The following IMMP2L variants were observed in gnomAD, a reference collection of about 807,000 sequenced individuals.
IMMP2L encodes inner mitochondrial membrane peptidase subunit 2.
Under a neutral mutation model 19.3 loss-of-function variants are expected in IMMP2L, and 18 were observed. That is an observed-to-expected ratio of 0.93 (90% CI 0.64 to 1.38). The LOEUF is 1.38. Ranked by LOEUF, IMMP2L falls within the 40% of genes most tolerant of loss-of-function variation. The pLI is 0.00. For missense variants in IMMP2L, 233 were observed against 218.2 expected, an observed-to-expected ratio of 1.07 and a Z score of -0.43; for synonymous variants, 76 against 73.0, an observed-to-expected ratio of 1.04 and a Z score of -0.21.
intron 1 of IMMP2L, among the ~76,000 whole-genome samples, chr7:111,539,132 A>AAAGAAAAGGAAGGAAGGAAGGAAGGAAGG (rs1554542570): frequency 1.6e-5 from 1 of 61,584 alleles, no homozygotes; most frequent in African/African-American, 6.5e-5. Flanking sequence ...AAAGAAAAGA[A>AAAGAAAAGGAAGGAAGGAAGGAAGGAAGG]AAGGAAGGAA....
At position 110,757,373 on chromosome 7, in the gene IMMP2L, A is replaced by G. The variant is rs1798094796; in HGVS notation, c.409-93652T>C. ...CATTTTGCACTGTACCCCTCAAATG[A>G]TGCAGTTGACTCTGGTTGTAATTTT... On this transcript the variant is annotated intron_variant, in intron 5 of 5. Coordinates refer to ENST00000405709, the MANE Select transcript of IMMP2L (RefSeq NM_032549.4). The surrounding 1 kb of genome is among the most constrained non-coding windows in gnomAD (Gnocchi z 4.2). Among the ~76,000 whole-genome samples, 1 of 152,092 alleles carries G rather than the reference A, an allele frequency of 6.6e-6. No homozygotes were observed. The highest frequency in any genetic ancestry group is 1.5e-5 in the Non-Finnish European group (1 of 68,000).
intron 3 of IMMP2L, among the ~76,000 whole-genome samples, chr7:111,448,207 C>T (rs1281318583): frequency 2.4e-5 from 3 of 125,070 alleles, no homozygotes; most frequent in East Asian, 2.1e-4. Context: ...ACCAAGCGGA[C>T]CTAATAGACA....
intron 3 of IMMP2L, among the ~76,000 whole-genome samples, chr7:111,467,922 C>T (rs1438145225): frequency 1.3e-5 from 2 of 152,002 alleles, no homozygotes; most frequent in Non-Finnish European, 2.9e-5. Context: ...TCAGCTAAGG[C>T]AAATGAGGTT....
intron 3 of IMMP2L, among the ~76,000 whole-genome samples, chr7:111,398,176 A>G (rs1833059504): frequency 6.6e-6 from 1 of 152,034 alleles, no homozygotes. Flanking sequence ...TACATGAGTA[A>G]AAGAAAACTA....
rs975269559 is a variant in IMMP2L at position 111,535,993 on chromosome 7, G to C, written c.-2-14544C>G. ...AAGATGAGCCTGAAACATTTTCTTT[G>C]GCCACTAAGAAGTGCTTAGAAAAAA... is the stretch of plus-strand genomic sequence containing the variant. On this transcript the variant is annotated intron_variant, in intron 1 of 5. Transcript: ENST00000405709. Among the ~76,000 whole-genome samples, 2 of 152,024 alleles carry C rather than the reference G, an allele frequency of 1.3e-5. 1 individual carries two copies. The highest frequency in any genetic ancestry group is 2.9e-5 in the Non-Finnish European group (2 of 67,992).
chr7:111,091,069 C>T (rs938656865), intron 3 of IMMP2L: 2 of 152,204 alleles, frequency 1.3e-5, no homozygotes, highest in African/African-American at 4.8e-5. Context: ...GCGATTGGCT[C>T]CTCTCTGGGG....
intron 3 of IMMP2L, among the ~76,000 whole-genome samples, chr7:111,386,590 G>C (rs1202629231): frequency 6.6e-6 from 1 of 152,090 alleles, no homozygotes; most frequent in African/African-American, 2.4e-5. Flanking sequence ...AGAGGGAATG[G>C]ATAAGAAGCA....
At chr7:111,023,530 T>C (rs1219206217) in intron 3 of IMMP2L, among the ~76,000 whole-genome samples, 1 of 138,764 alleles carries the variant, frequency 7.2e-6, no homozygotes, top group Admixed American at 7.5e-5. Flanking sequence ...TGAAACCCTG[T>C]CTACTAAAAA....
rs545022498 is a variant in IMMP2L at position 111,413,487 on chromosome 7, A to AT, written c.239+73750dup. Among the ~76,000 whole-genome samples the AT allele has an allele frequency of 3.5e-4, 53 of 151,950 alleles. 1 individual carries two copies. In the South Asian group the frequency reaches 0.011, roughly 32 times the overall value. On this transcript the variant is annotated intron_variant, in intron 3 of 5. Transcript: ENST00000405709. ...ATATTACCAAATCAAACCCAGCAAT[A>AT]TAAAAAAAAAATACATCATGATGAG...
intron 2 of IMMP2L, among the ~76,000 whole-genome samples, chr7:111,505,144 C>G (rs1167897259): frequency 6.6e-6 from 1 of 151,880 alleles, no homozygotes; most frequent in African/African-American, 2.4e-5. Flanking sequence ...ACAAACAACC[C>G]CATCAAAAAG....
intron 3 of IMMP2L, among the ~76,000 whole-genome samples, chr7:111,475,894 C>T (rs1164410903): frequency 6.6e-6 from 1 of 152,074 alleles, no homozygotes; most frequent in East Asian, 1.9e-4. Flanking sequence ...TTCCAAGTCT[C>T]CTATCTGTTC....
intron 5 of IMMP2L, among the ~76,000 whole-genome samples, chr7:110,842,700 C>T (rs907882083): frequency 5.3e-5 from 8 of 152,158 alleles, no homozygotes; most frequent in African/African-American, 1.9e-4. Flanking sequence ...GATATGACGG[C>T]ATTTGCAAAA....
intron 3 of IMMP2L, among the ~76,000 whole-genome samples, chr7:111,308,836 C>T (rs1428245575): frequency 1.3e-5 from 2 of 151,996 alleles, no homozygotes; most frequent in African/African-American, 2.4e-5. Flanking sequence ...GAGAACCATT[C>T]TTTTATGCCA....
At chr7:110,665,548 C>T (rs996986411) in intron 5 of IMMP2L, among the ~76,000 whole-genome samples, 1 of 152,198 alleles carries the variant, frequency 6.6e-6, no homozygotes, top group South Asian at 2.1e-4. Context: ...TCAAGAGTCA[C>T]ATATTGCATT....
chr7:111,238,043 A>G (rs1393200840), intron 3 of IMMP2L, among the ~76,000 whole-genome samples: 2 of 152,074 alleles, frequency 1.3e-5, no homozygotes, highest in African/African-American at 4.8e-5. Context: ...CCCTTATGTG[A>G]AGAAGATGGA....
In IMMP2L at chr7:111,525,831, C is replaced by A. The variant is rs146065407; in HGVS notation, c.-2-4382G>T. On this transcript the variant is annotated intron_variant, in intron 1 of 5. Coordinates refer to ENST00000405709, the MANE Select transcript of IMMP2L (RefSeq NM_032549.4). ...CAAACAAGCAGATGTGCTCCCTGCC[C>A]TCAAGGAGTTACAATATACCAAGGA... 1.7e-3 allele frequency among the ~76,000 whole-genome samples: 252 copies of A among 152,124 alleles called. 1 individual carries two copies. The highest frequency in any genetic ancestry group is 5.9e-3 in the African/African-American group (246 of 41,524).
intron 3 of IMMP2L, among the ~76,000 whole-genome samples, chr7:111,004,740 G>C (rs2129561904): frequency 6.6e-6 from 1 of 152,262 alleles, no homozygotes; most frequent in Admixed American, 6.5e-5. Context: ...GCTTCTGGTT[G>C]TGTACTCAGT....
At chr7:111,204,284 G>T (rs556896536) in intron 3 of IMMP2L, among the ~76,000 whole-genome samples, 1 of 152,090 alleles carries the variant, frequency 6.6e-6, no homozygotes, top group Admixed American at 6.5e-5. Flanking sequence ...ATGCAATTTG[G>T]GATCTGCTTC....
intron 4 of IMMP2L, among the ~76,000 whole-genome samples, chr7:110,960,295 T>C (rs1411878777): frequency 6.6e-6 from 1 of 151,950 alleles, no homozygotes; most frequent in African/African-American, 2.4e-5. Flanking sequence ...CACCACAATA[T>C]AATTTTAGGA....
Sources: gnomAD v4.1 joint callset for allele counts (sites outside exome capture counted in the v4.1 genomes callset) on GRCh38, gnomAD v4.1.1 for gene constraint, Gnocchi (gnomAD v3.1) non-coding constraint, MANE v1.5 for transcripts, NCBI Gene and HGNC (gene_info 2026-07-23, HGNC 2026-07-21) for gene names.